The following ACSS3 variants were observed in gnomAD, a reference collection of about 807,000 sequenced individuals.
ACSS3 encodes acyl-CoA synthetase short-chain family member 3, mitochondrial.
A neutral mutation model predicts 84.2 loss-of-function variants in ACSS3; 64 were observed. The observed-to-expected ratio is 0.76, with a 90% CI of 0.62 to 0.94. The LOEUF is 0.94. Ranked by LOEUF, ACSS3 falls within the 40% of genes least tolerant of loss-of-function variation. The pLI is 0.00. For missense variants in ACSS3, 815 were observed against 867.6 expected, an observed-to-expected ratio of 0.94 and a Z score of 0.76; for synonymous variants, 317 against 310.1, an observed-to-expected ratio of 1.02 and a Z score of -0.23.
intron 1 of ACSS3, among the ~76,000 whole-genome samples, chr12:81,088,060 A>G (rs966209973): frequency 6.6e-6 from 1 of 152,126 alleles, no homozygotes; most frequent in Middle Eastern, 3.2e-3. Flanking sequence ...TCTTCCCCAC[A>G]TATACGTGAT....
intron 1 of ACSS3, among the ~76,000 whole-genome samples, chr12:81,087,513 C>T (rs184308793): frequency 6.6e-6 from 1 of 151,496 alleles, no homozygotes; most frequent in Admixed American, 6.6e-5. Flanking sequence ...GTATAGATAT[C>T]TGTAGAAAAA....
intron 5 of ACSS3, among the ~76,000 whole-genome samples, chr12:81,144,936 T>C (rs1238578195): frequency 7.0e-6 from 1 of 142,804 alleles, no homozygotes; most frequent in Non-Finnish European, 1.5e-5. Context: ...AGTCTCCCTC[T>C]GTTGCCCAGG....
chr12:81,251,795 A>T (rs2034164265), intron 13 of ACSS3, among the ~76,000 whole-genome samples: 1 of 152,120 alleles, frequency 6.6e-6, no homozygotes, highest in Admixed American at 6.6e-5. Context: ...GTGATCTATG[A>T]ACATGCCAGC....
At chr12:81,141,848 G>C (rs1886108530) in intron 4 of ACSS3, among the ~76,000 whole-genome samples, 1 of 152,146 alleles carries the variant, frequency 6.6e-6, no homozygotes, top group South Asian at 2.1e-4. Context: ...CTAAATGGCA[G>C]AGCCAGTACC....
intron 7 of ACSS3, among the ~76,000 whole-genome samples, chr12:81,162,745 A>G: frequency 6.6e-6 from 1 of 152,070 alleles, no homozygotes; most frequent in East Asian, 1.9e-4. Context: ...GCATGTGCTG[A>G]ACCATCCTCA....
chr12:81,191,813 A>G (rs2031584587), intron 8 of ACSS3, among the ~76,000 whole-genome samples: 1 of 152,108 alleles, frequency 6.6e-6, no homozygotes, highest in Non-Finnish European at 1.5e-5. Context: ...AGTTGCAGTT[A>G]GATGATTTTA....
Position 81,106,538 on chromosome 12 carries a change from C to T in ACSS3, c.312-3022C>T, listed in dbSNP as rs1883015621. Among the ~76,000 whole-genome samples the T allele has an allele frequency of 2.0e-5, 3 of 152,148 alleles. No individual in the cohort carries two copies. In the South Asian group the frequency reaches 6.2e-4, roughly 31 times the overall value. ...TCCTGAAACCATACCCTTCCCCCACCCCAGTTCGGTGAAAACATTGTCTTT... is the reference window on the plus strand; with the variant it reads ...TCCTGAAACCATACCCTTCCCCCACTCCAGTTCGGTGAAAACATTGTCTTT... On this transcript the variant is annotated intron_variant, in intron 1 of 15. Coordinates refer to ENST00000548058, the MANE Select transcript of ACSS3 (RefSeq NM_024560.4).
At position 81,163,425 on chromosome 12, in the gene ACSS3, A is replaced by G. The variant is rs1887250617; in HGVS notation, c.1098+11329A>G. On this transcript the variant is annotated intron_variant, in intron 7 of 15. Transcript: ENST00000548058. ...ACTGTGCTGCCAATGGGGTAAAAGT[A>G]TAACACATGCAATTATGTGCAGCAC... Among the ~76,000 whole-genome samples, 7 of 152,350 alleles carry G rather than the reference A, an allele frequency of 4.6e-5. No individual in the cohort carries two copies. The South Asian group carries it at 1.4e-3, about 32-fold the overall frequency.
chr12:81,231,288 G>C, intron 12 of ACSS3, 150 bp downstream of exon 12: 1 of 592,218 alleles, frequency 1.7e-6, no homozygotes. Flanking sequence ...GGATAAGAAT[G>C]CCCAACTCAT....
intron 9 of ACSS3, chr12:81,199,695 T>G (rs1467870664): frequency 7.1e-7 from 1 of 1,401,446 alleles, no homozygotes; most frequent in South Asian, 1.2e-5. Context: ...TCTTCTCTTC[T>G]TTGTTTCTTA....
chr12:81,128,611 A>G (rs893166269), intron 2 of ACSS3, among the ~76,000 whole-genome samples: 3 of 152,202 alleles, frequency 2.0e-5, no homozygotes, highest in Non-Finnish European at 2.9e-5. Context: ...GCAAAGATGA[A>G]TGTGAATTGG....
intron 5 of ACSS3, among the ~76,000 whole-genome samples, chr12:81,145,902 G>A (rs1013628540): frequency 1.3e-5 from 2 of 152,080 alleles, no homozygotes; most frequent in African/African-American, 4.8e-5. Flanking sequence ...TGCGTGAGTG[G>A]GCTTTGCAAA....
chr12:81,118,289 A>T (rs980773332), intron 2 of ACSS3, among the ~76,000 whole-genome samples: 1 of 152,158 alleles, frequency 6.6e-6, no homozygotes, highest in African/African-American at 2.4e-5. Context: ...AATAATCTAA[A>T]GATTATGAGG....
At chr12:81,238,179 G>A (rs1478986439) in intron 13 of ACSS3, among the ~76,000 whole-genome samples, 1 of 151,550 alleles carries the variant, frequency 6.6e-6, no homozygotes, top group Non-Finnish European at 1.5e-5. Context: ...ATTGAATTTC[G>A]AACCAGCTTT....
At chr12:81,151,301 T>C (rs1221891973) in intron 5 of ACSS3, among the ~76,000 whole-genome samples, 3 of 152,180 alleles carry the variant, frequency 2.0e-5, no homozygotes, top group African/African-American at 4.8e-5. Flanking sequence ...GTTCTAGAGT[T>C]CATAACTAAA....
At chr12:81,251,243 A>T (rs2034140951) in intron 13 of ACSS3, among the ~76,000 whole-genome samples, 1 of 152,212 alleles carries the variant, frequency 6.6e-6, no homozygotes, top group African/African-American at 2.4e-5. Flanking sequence ...ATGAATGAGC[A>T]GAGCACAGGG....
At chr12:81,124,829 T>G (rs1402631243) in intron 2 of ACSS3, among the ~76,000 whole-genome samples, 1 of 152,212 alleles carries the variant, frequency 6.6e-6, no homozygotes, top group Non-Finnish European at 1.5e-5. Context: ...CTTTCTTTGG[T>G]CTCCTGGAGC....
chr12:81,216,867 A>G (rs1368964008), intron 9 of ACSS3, 34 bp from the exon 10 acceptor site: 1 of 1,557,976 alleles, frequency 6.4e-7, no homozygotes, highest in Non-Finnish European at 8.8e-7. Flanking sequence ...TCCAAGTTAA[A>G]ACATGAAGTG....
intron 8 of ACSS3, among the ~76,000 whole-genome samples, chr12:81,196,109 A>G (rs189283841): frequency 6.6e-6 from 1 of 152,332 alleles, no homozygotes; most frequent in Admixed American, 6.5e-5. Context: ...GTACATGCAT[A>G]CAGATCCATG....
Sources: gnomAD v4.1 joint callset for allele counts (sites outside exome capture counted in the v4.1 genomes callset) on GRCh38, gnomAD v4.1.1 for gene constraint, MANE v1.5 for transcripts, NCBI Gene and HGNC (gene_info 2026-07-23, HGNC 2026-07-21) for gene names.